The following ARHGAP42 variants were observed in gnomAD, a reference collection of about 807,000 sequenced individuals.
ARHGAP42 encodes rho GTPase-activating protein 42.
In ARHGAP42, 63 loss-of-function variants were observed where a neutral mutation model predicts 125.0. The observed-to-expected ratio is 0.50, with a 90% CI of 0.41 to 0.62. The LOEUF (loss-of-function observed/expected upper bound fraction) is 0.62, where lower values mean the gene tolerates loss of function less well. Among genes scored for constraint, ARHGAP42 ranks in the 20% least tolerant of loss-of-function variants. The pLI is 0.00. For missense variants in ARHGAP42, 766 were observed against 1,024.2 expected (o/e 0.75, Z 3.44); for synonymous variants, 339 against 351.0 (o/e 0.97, Z 0.38).
intron 3 of ARHGAP42, among the ~76,000 whole-genome samples, chr11:100,801,923 C>T (rs1322035452): frequency 1.3e-5 from 2 of 152,156 alleles, no homozygotes; most frequent in Non-Finnish European, 2.9e-5. Context: ...AGGTGAGGAT[C>T]TGGTATCGAT....
chr11:100,905,109 G>A (rs1025160145), intron 4 of ARHGAP42, among the ~76,000 whole-genome samples: 3 of 152,146 alleles, frequency 2.0e-5, no homozygotes, highest in Admixed American at 6.5e-5. Context: ...TTCAACTTTT[G>A]TGTTTCTCCT....
At chr11:100,851,521 C>T (rs181758277) in intron 3 of ARHGAP42, among the ~76,000 whole-genome samples, 299 of 152,238 alleles carry the variant, frequency 2.0e-3, no homozygotes, top group African/African-American at 6.8e-3. Context: ...GGAAGTATGG[C>T]ACATAGAATT....
At chr11:100,743,498 C>A (rs1032195839) in intron 1 of ARHGAP42, among the ~76,000 whole-genome samples, 12 of 152,108 alleles carry the variant, frequency 7.9e-5, no homozygotes, top group Admixed American at 1.3e-4. Context: ...TCTCAGAATG[C>A]TTTCCTTCAC....
rs187239473 is a variant in ARHGAP42, at chr11:100,716,053, C to G, written c.154+28221C>G. 1.9e-3 allele frequency among the ~76,000 whole-genome samples: 286 copies of G among 152,164 alleles called. 1 individual carries two copies. The highest frequency in any genetic ancestry group is 3.1e-3 in the Non-Finnish European group (209 of 68,002). On this transcript the variant is annotated intron_variant, in intron 1 of 23. Transcript: ENST00000298815. The stretch of plus-strand genomic sequence containing the variant: ...TGAATAATCTTCATAACAGGGCTGA[C>G]AAATTGGTATATTTTTAAAATGATA...
Position 100,960,837 on chromosome 11 carries a change from A to G in ARHGAP42, c.1226-78A>G, listed in dbSNP as rs183508822. On this transcript the variant is annotated intron_variant, in intron 13 of 23. Transcript: ENST00000298815. ...AAGTAGCTTTCAAATTTTGTTAGGC[A>G]TATGTCTGAGTTTTTAACATTCTGT... 343 of 905,054 alleles carry G rather than the reference A, an allele frequency of 3.8e-4. 5 individuals carry two copies. The African/African-American group carries it at 5.1e-3, about 13-fold the overall frequency. The allele number at this position is 905,054 out of a possible 1,614,324, so 56.1% of individuals were successfully genotyped here.
intron 6 of ARHGAP42, among the ~76,000 whole-genome samples, chr11:100,922,201 G>A (rs1479409048): frequency 6.6e-6 from 1 of 152,146 alleles, no homozygotes; most frequent in Non-Finnish European, 1.5e-5. Flanking sequence ...AAAACCAACG[G>A]CTCTGTTTTC....
At chr11:100,876,388 G>T (rs947882119) in intron 4 of ARHGAP42, among the ~76,000 whole-genome samples, 1 of 151,914 alleles carries the variant, frequency 6.6e-6, no homozygotes, top group Non-Finnish European at 1.5e-5. Flanking sequence ...GTAGTTGGAC[G>T]TATTTAAATA....
chr11:100,941,564 A>AG (rs761612618), intron 8 of ARHGAP42, among the ~76,000 whole-genome samples: 10 of 150,400 alleles, frequency 6.6e-5, no homozygotes, highest in Non-Finnish European at 1.2e-4. Context: ...AGTTTTACAA[A>AG]GTCGGTGTCA....
intron 22 of ARHGAP42, among the ~76,000 whole-genome samples, chr11:100,979,710 T>TC (rs1858482986): frequency 6.6e-6 from 1 of 151,924 alleles, no homozygotes; most frequent in African/African-American, 2.4e-5. Context: ...TATTTTTTTT[T>TC]TTTACTATCA....
chr11:100,788,451 G>A (rs563227246), intron 2 of ARHGAP42, among the ~76,000 whole-genome samples: 1 of 152,258 alleles, frequency 6.6e-6, no homozygotes, highest in East Asian at 1.9e-4. Context: ...GTACTAGGTC[G>A]TATTTACAGT....
intron 1 of ARHGAP42, among the ~76,000 whole-genome samples, chr11:100,711,951 C>T (rs951811211): frequency 2.6e-5 from 4 of 152,194 alleles, no homozygotes; most frequent in South Asian, 2.1e-4. Context: ...TAAAGGTGTA[C>T]TGAGACTCTA....
chr11:100,834,884 A>G lies in ARHGAP42; in HGVS notation c.313-24670A>G, dbSNP rs762498532. On this transcript the variant is annotated intron_variant, in intron 3 of 23. Coordinates refer to ENST00000298815, the MANE Select transcript of ARHGAP42 (RefSeq NM_152432.4). ...TTTGTTTTTTTAATGTTGGATCCAT[A>G]TACAGAAGTGCTTATTTTTGATTCT... Among the ~76,000 whole-genome samples the G allele has an allele frequency of 4.7e-5, 7 of 147,514 alleles. No individual in the cohort carries two copies. The Admixed American group carries it at 4.8e-4, about 10-fold the overall frequency.
intron 3 of ARHGAP42, among the ~76,000 whole-genome samples, chr11:100,800,659 G>C (rs1005685496): frequency 7.2e-5 from 11 of 152,044 alleles, no homozygotes; most frequent in Admixed American, 7.2e-4. Flanking sequence ...TCTTCTTTTG[G>C]CCATGTTTCT....
chr11:100,701,666 A>G (rs752260096), intron 1 of ARHGAP42, among the ~76,000 whole-genome samples: 2 of 152,206 alleles, frequency 1.3e-5, no homozygotes, highest in African/African-American at 4.8e-5. Context: ...TATAGAAATC[A>G]TAGAATTGAA....
intron 4 of ARHGAP42, among the ~76,000 whole-genome samples, chr11:100,898,875 T>C (rs1866443173): frequency 6.6e-6 from 1 of 152,134 alleles, no homozygotes; most frequent in Non-Finnish European, 1.5e-5. Flanking sequence ...TATTTCTTGG[T>C]TCTGCTAGCT....
chr11:100,709,696 G>A (rs1861529991), intron 1 of ARHGAP42, among the ~76,000 whole-genome samples: 1 of 152,110 alleles, frequency 6.6e-6, no homozygotes, highest in Admixed American at 6.5e-5. Context: ...GCATATTTAT[G>A]GCTTAAAGTC....
chr11:100,717,945 C>G (rs978264613), intron 1 of ARHGAP42, among the ~76,000 whole-genome samples: 1 of 147,256 alleles, frequency 6.8e-6, no homozygotes, highest in Non-Finnish European at 1.5e-5. Flanking sequence ...AAAAAGACAC[C>G]GTAGTGTATT....
At chr11:100,693,519 A>T (rs2120173830) in intron 1 of ARHGAP42, among the ~76,000 whole-genome samples, 1 of 152,264 alleles carries the variant, frequency 6.6e-6, no homozygotes, top group Non-Finnish European at 1.5e-5. Flanking sequence ...CTGGCTATTT[A>T]CTTCCATCTA....
chr11:100,896,469 T>G (rs544648979), intron 4 of ARHGAP42, among the ~76,000 whole-genome samples: 55 of 152,274 alleles, frequency 3.6e-4, no homozygotes, highest in African/African-American at 1.3e-3. Context: ...GTGTAAAAGC[T>G]TTCCTATTTC....
Sources: allele counts gnomAD v4.1 joint callset (sites outside exome capture counted in the v4.1 genomes callset), GRCh38; gene constraint gnomAD v4.1.1; transcripts MANE v1.5; gene names NCBI Gene and HGNC (gene_info 2026-07-23, HGNC 2026-07-21).